Variants in TMEM255B observed in about 807,000 individuals in gnomAD.
TMEM255B encodes the protein family with sequence similarity 70, member B.
A neutral mutation model predicts 34.5 loss-of-function variants in TMEM255B; 35 were observed. The ratio of observed to expected loss-of-function variants is 1.01; its 90% confidence interval spans 0.77 to 1.34. The LOEUF (loss-of-function observed/expected upper bound fraction) is 1.34, where lower values mean the gene tolerates loss of function less well. Among genes scored for constraint, TMEM255B ranks in the 40% most tolerant of loss-of-function variants. The pLI is 0.00. For missense variants in TMEM255B, 432 were observed against 433.2 expected (o/e 1.00, Z 0.02); for synonymous variants, 206 against 201.2 (o/e 1.02, Z -0.20).
At chr13:113,807,037 A>G (rs2051186193) in intron 8 of TMEM255B, among the ~76,000 whole-genome samples, 1 of 152,212 alleles carries the variant, frequency 6.6e-6, no homozygotes, top group South Asian at 2.1e-4. Flanking sequence ...ACGTGGTTCC[A>G]TCAGCCCCTT....
At chr13:113,803,971 C>T (rs1481247883) in intron 7 of TMEM255B, among the ~76,000 whole-genome samples, 2 of 17,930 alleles carry the variant, frequency 1.1e-4, no homozygotes, top group African/African-American at 5.6e-4. Flanking sequence ...CTCGCAGCGG[C>T]TCTGGCCTGG....
At chr13:113,801,508 G>A in intron 6 of TMEM255B, 145 bp from the exon 7 acceptor site, 1 of 930,744 alleles carries the variant, frequency 1.1e-6, no homozygotes, top group Admixed American at 3.3e-5. Context: ...TGATCTCCCA[G>A]AGCAGTGCAG....
chr13:113,795,503 C>T (rs531218981), intron 4 of TMEM255B, among the ~76,000 whole-genome samples: 1 of 144,238 alleles, frequency 6.9e-6, no homozygotes, highest in East Asian at 2.1e-4. Flanking sequence ...CACACCACAA[C>T]AGAGCACACA....
At chr13:113,776,174 C>T (rs1411762709) in intron 3 of TMEM255B, among the ~76,000 whole-genome samples, 1 of 152,176 alleles carries the variant, frequency 6.6e-6, no homozygotes, top group African/African-American at 2.4e-5. Flanking sequence ...CTGAACCCTC[C>T]AGACTTGGGT....
Position 113,803,303 on chromosome 13 carries a change from AACCTTC to A in TMEM255B, c.669+1494_669+1499del, listed in dbSNP as rs1032501573. 6.7e-5 allele frequency: 10 copies of A among 148,366 alleles called. 1 individual carries two copies. Among genetic ancestry groups the A allele is most frequent in the Non-Finnish European group, 1.1e-4 (7 of 66,160 alleles). 9.2% of individuals were successfully genotyped at this position (148,366 alleles called of 1,614,324 possible). ...CTGCAGAGCAAGGAGAGGACTTGCT[AACCTTC>A]ACACCCACCAAGCAGGCCCTCTTGT... is the stretch of plus-strand genomic sequence containing the variant. On this transcript the variant is annotated intron_variant, in intron 7 of 8. Transcript: ENST00000375353.
At chr13:113,759,995 A>G (rs1241440243) in intron 1 of TMEM255B, among the ~76,000 whole-genome samples, 1 of 152,286 alleles carries the variant, frequency 6.6e-6, no homozygotes, top group East Asian at 1.9e-4. Flanking sequence ...GGAAGTGGCC[A>G]GGACTGGAAG....
rs573787641 is a variant in TMEM255B, at chr13:113,800,450, G to A, written c.424-377G>A. Among the ~76,000 whole-genome samples, 76 of 152,130 alleles carry A rather than the reference G, an allele frequency of 5.0e-4. 1 individual carries two copies. Among genetic ancestry groups the A allele is most frequent in the Non-Finnish European group, 1.0e-3 (68 of 67,948 alleles). On this transcript the variant is annotated intron_variant, in intron 5 of 8. Coordinates refer to ENST00000375353, the MANE Select transcript of TMEM255B (RefSeq NM_182614.4). The stretch of plus-strand genomic sequence containing the variant: ...CCTGGGGGGAGAGCGCCCTGGGACG[G>A]GGCCTGTTCTGCCGCCCTCCGGGCT...
At chr13:113,759,423 G>A (rs2050256069) in intron 1 of TMEM255B, 108 bp downstream of exon 1, 2 of 1,019,428 alleles carry the variant, frequency 2.0e-6, no homozygotes, top group Non-Finnish European at 2.5e-6. Flanking sequence ...GCGCGGAGAC[G>A]CGGCACGGGG....
At chr13:113,810,168 C>T (rs973054835) in intron 8 of TMEM255B, among the ~76,000 whole-genome samples, 2 of 152,124 alleles carry the variant, frequency 1.3e-5, no homozygotes, top group African/African-American at 2.4e-5. Context: ...ATGCTGAACA[C>T]GCAGGCTCAG....
In TMEM255B at chr13:113,806,704, C is replaced by T. The variant is rs1353242995; in HGVS notation, c.813+1676C>T. On this transcript the variant is annotated intron_variant, in intron 8 of 8. Coordinates refer to ENST00000375353, the MANE Select transcript of TMEM255B (RefSeq NM_182614.4). The surrounding 1 kb of genome is among the most constrained non-coding windows in gnomAD (Gnocchi z 4.2). The stretch of plus-strand genomic sequence containing the variant: ...AAGCCTCCTGCCCCTGCCCCAGGGA[C>T]GTCCCCATCATGGCAGGGACCGTGC... 2.6e-5 allele frequency among the ~76,000 whole-genome samples: 4 copies of T among 152,154 alleles called. No individual in the cohort carries two copies. The highest frequency in any genetic ancestry group is 5.9e-5 in the Non-Finnish European group (4 of 68,006).
At chr13:113,802,122 T>C (rs1262283546) in intron 7 of TMEM255B, among the ~76,000 whole-genome samples, 1 of 152,182 alleles carries the variant, frequency 6.6e-6, no homozygotes, top group Non-Finnish European at 1.5e-5. Context: ...TAAGCTCCCA[T>C]CATTAGCAAC....
At chr13:113,794,106 G>T (rs2050878671) in intron 3 of TMEM255B, among the ~76,000 whole-genome samples, 1 of 152,208 alleles carries the variant, frequency 6.6e-6, no homozygotes. Flanking sequence ...TGACATCGGG[G>T]GAAGAGGCCA....
intron 2 of TMEM255B, 73 bp downstream of exon 2, chr13:113,766,330 C>T (rs758489661): frequency 6.9e-6 from 11 of 1,600,242 alleles, no homozygotes; most frequent in Admixed American, 1.7e-5. Context: ...GTGGAGTCCA[C>T]GCCAGCTCAC....
intron 3 of TMEM255B, among the ~76,000 whole-genome samples, chr13:113,778,835 G>C (rs2050622506): frequency 6.6e-6 from 1 of 152,222 alleles, no homozygotes; most frequent in South Asian, 2.1e-4. Flanking sequence ...CTGACCCATA[G>C]AGAAACTGAC....
intron 5 of TMEM255B, chr13:113,800,088 G>C: frequency 8.5e-7 from 1 of 1,178,068 alleles, no homozygotes. Context: ...GTTTATGTGT[G>C]TGTGTGTGGG....
At chr13:113,777,465 T>C (rs1290850388) in intron 3 of TMEM255B, among the ~76,000 whole-genome samples, 1 of 152,180 alleles carries the variant, frequency 6.6e-6, no homozygotes, top group African/African-American at 2.4e-5. Flanking sequence ...CTCTACCCGC[T>C]GACTGTGCAC....
intron 4 of TMEM255B, 104 bp downstream of exon 4, chr13:113,795,341 C>A: frequency 8.3e-7 from 1 of 1,205,124 alleles, no homozygotes; most frequent in Non-Finnish European, 1.2e-6. Context: ...GACGGCTTCA[C>A]CGTCAGTCTC....
intron 3 of TMEM255B, among the ~76,000 whole-genome samples, chr13:113,784,976 G>C (rs1485553491): frequency 6.6e-6 from 1 of 151,844 alleles, no homozygotes; most frequent in Non-Finnish European, 1.5e-5. Flanking sequence ...AGGGGCTTCT[G>C]GTGAATTTAG....
chr13:113,769,268 G>A lies in TMEM255B; in HGVS notation c.252+108G>A, dbSNP rs895810955. On this transcript the variant is annotated intron_variant, in intron 3 of 8. Coordinates refer to ENST00000375353, the MANE Select transcript of TMEM255B (RefSeq NM_182614.4). The surrounding 1 kb of genome is among the most constrained non-coding windows in gnomAD (Gnocchi z 4.2). ...AGCCCTGCCTCCCCAGCACACTGGT[G>A]TCTACAGGACCAGCTCTGAGGTTCC... 4.8e-5 allele frequency: 61 copies of A among 1,259,664 alleles called. No homozygotes were observed. The Admixed American group carries it at 1.0e-3, about 21-fold the overall frequency. 78.0% of individuals were successfully genotyped at this position (1,259,664 alleles called of 1,614,324 possible).
Sources: allele counts gnomAD v4.1 joint callset (sites outside exome capture counted in the v4.1 genomes callset), GRCh38; gene constraint gnomAD v4.1.1; non-coding constraint Gnocchi (gnomAD v3.1); transcripts MANE v1.5; gene names NCBI Gene and HGNC (gene_info 2026-07-23, HGNC 2026-07-21).